The following CYBC1 variants were observed in gnomAD, a reference collection of about 807,000 sequenced individuals.
CYBC1 encodes cytochrome b-245 chaperone 1.
CYBC1 carries 22 observed loss-of-function variants against 21.7 expected under a neutral mutation model. That is an observed-to-expected ratio of 1.02 (90% CI 0.73 to 1.45). The LOEUF (loss-of-function observed/expected upper bound fraction) is 1.45, where lower values mean the gene tolerates loss of function less well. CYBC1 is among the 40% of genes most tolerant of loss of function. CYBC1 has a pLI of 0.00. For missense variants in CYBC1, 237 were observed against 242.1 expected (o/e 0.98, Z 0.14); for synonymous variants, 112 against 98.7 (o/e 1.13, Z -0.80).
At chr17:82,449,375 G>A (rs974017882) in intron 1 of CYBC1, 83 bp from the exon 2 acceptor site, 4 of 649,238 alleles carry the variant, frequency 6.2e-6, no homozygotes, top group Admixed American at 7.8e-5. Context: ...TGGAGGCCAA[G>A]AGCAGGTCCC....
rs746836449 is a variant in CYBC1 at position 82,446,715 on chromosome 17, C to G, written c.128-19G>C. ...AGGCTATCTGGAGATGGGCATAGGGCGCCAGCCTGTGAGCTCCAGGGACAT... is the reference window on the plus strand; with the variant it reads ...AGGCTATCTGGAGATGGGCATAGGGGGCCAGCCTGTGAGCTCCAGGGACAT... On this transcript the variant is annotated intron_variant, in intron 3 of 6. Transcript: ENST00000306645. The G allele has an allele frequency of 3.7e-6, 6 of 1,613,134 alleles. No homozygotes were observed. The African/African-American group carries it at 8.0e-5, about 22-fold the overall frequency.
At chr17:82,447,319 C>T (rs1262826095) in intron 3 of CYBC1, 8 of 523,780 alleles carry the variant, frequency 1.5e-5, no homozygotes, top group Non-Finnish European at 2.4e-5. Context: ...CGCCACTGCA[C>T]TCCAGCCTGG....
At chr17:82,444,623 C>T (rs776314726) in intron 5 of CYBC1, 32 bp from the exon 6 acceptor site, 1 of 1,568,846 alleles carries the variant, frequency 6.4e-7, no homozygotes, top group Non-Finnish European at 8.7e-7. Context: ...CCGAGCCATC[C>T]CCGCCCACAC....
intron 1 of CYBC1, 113 bp from the exon 2 acceptor site, chr17:82,449,405 C>T: frequency 2.0e-6 from 1 of 512,290 alleles, no homozygotes. Flanking sequence ...TCACCTGCAG[C>T]CCCAGACACC....
At chr17:82,449,874 G>T (rs2054495100) in intron 1 of CYBC1, 1 of 152,372 alleles carries the variant, frequency 6.6e-6, no homozygotes. Flanking sequence ...AGTTCCGCAC[G>T]GGCGCAGCAG....
chr17:82,448,896 A>T, intron 2 of CYBC1: 1 of 450,968 alleles, frequency 2.2e-6, no homozygotes, highest in Non-Finnish European at 3.9e-6. Context: ...CACGTGGTTC[A>T]AAACAAGTAC....
intron 3 of CYBC1, 33 bp from the exon 4 acceptor site, chr17:82,446,729 C>A: frequency 1.2e-6 from 2 of 1,610,286 alleles, no homozygotes; most frequent in Non-Finnish European, 1.7e-6. Context: ...AGCCTGTGAG[C>A]TCCAGGGACA....
Position 82,446,680 on chromosome 17 carries a change from C to T in CYBC1, c.144G>A (p.Lys48=), listed in dbSNP as rs1351124617. The T allele has an allele frequency of 6.2e-7, 1 of 1,614,082 alleles. No homozygotes were observed. Among genetic ancestry groups the T allele is most frequent in the African/African-American group, 1.3e-5 (1 of 75,084 alleles). ...AYYSGDSLGW[K]LFYVTGCLFV... is the part of the protein sequence containing the mutation. ...ACAGGCAGCCTGTGACGTAGAAGAG[C>T]TTCCAGCCCAGGCTATCTGGAGATG... Residue 48 remains lysine (K), a synonymous_variant, in exon 4 of 7, where the codon AAG becomes AAA. Transcript: ENST00000306645.
rs1328804185 is a variant in CYBC1, at chr17:82,448,892, G to A, written c.85+278C>T. 1.1e-5 allele frequency: 5 copies of A among 440,000 alleles called. No individual in the cohort carries two copies. The Admixed American group carries it at 1.8e-4, about 15-fold the overall frequency. 27.3% of individuals were successfully genotyped at this position (440,000 alleles called of 1,614,324 possible). ...GGAACCCACGATCACCCATCACGTGGTTCAAAACAAGTACAAAGGAAAATA... is the reference window on the plus strand; with the variant it reads ...GGAACCCACGATCACCCATCACGTGATTCAAAACAAGTACAAAGGAAAATA... On this transcript the variant is annotated intron_variant, in intron 2 of 6. Coordinates refer to ENST00000306645, the MANE Select transcript of CYBC1 (RefSeq NM_001033046.4).
rs775353079 is a variant in CYBC1 at position 82,444,107 on chromosome 17, G to A, written c.461C>T (p.Ala154Val). Residue 154 changes from alanine (A) to valine (V), a missense_variant, in exon 7 of 7, where the codon GCC becomes GTC. Physicochemically the swap from Ala to Val is moderately conservative, Grantham distance 64 (BLOSUM62 0). Transcript: ENST00000306645. ...MGHRSDVEAIAKLITSFLELH... is the reference protein window; with the variant it reads ...MGHRSDVEAIVKLITSFLELH... ...CTCCAGGAAGCTGGTGATGAGCTTG[G>A]CGATGGCTTCCACATCACTGGGCGA... 1 of 1,612,162 alleles carries A rather than the reference G, an allele frequency of 6.2e-7. No individual in the cohort carries two copies. The highest frequency in any genetic ancestry group is 1.1e-5 in the South Asian group (1 of 91,056).
intron 4 of CYBC1, 33 bp downstream of exon 4, chr17:82,446,590 C>G: frequency 6.2e-7 from 1 of 1,609,820 alleles, no homozygotes; most frequent in Middle Eastern, 1.7e-4. Flanking sequence ...CTGAACAGCC[C>G]TGGACTCTGT....
chr17:82,446,893 G>T, intron 3 of CYBC1, 197 bp from the exon 4 acceptor site: 1 of 598,114 alleles, frequency 1.7e-6, no homozygotes. Flanking sequence ...CTGACCCCCA[G>T]AGTCCACGTG....
At chr17:82,449,511 G>A (rs918365005) in intron 1 of CYBC1, 3 of 401,052 alleles carry the variant, frequency 7.5e-6, no homozygotes, top group Non-Finnish European at 1.3e-5. Context: ...TCCGTTCACA[G>A]CGACACCGAC....
chr17:82,444,586 C>T lies in CYBC1; in HGVS notation c.304G>A (p.Val102Ile), dbSNP rs770104845. 6.2e-7 allele frequency: 1 copy of T among 1,606,188 alleles called. No individual in the cohort carries two copies. The part of the protein sequence containing the change: ...LFRAGHDQVV[V>I]LLHDVRDVSV... ...ACATCACGGACATCATGGAGCAGGA[C>T]CACCACTGCGGGGAGACGGTCAGTG... The change falls in exon 6 of 7, where the codon GTC (valine) becomes ATC (isoleucine). Residue 102 changes from valine (V) to isoleucine (I), a missense_variant. Transcript: ENST00000306645.
rs2054053528 is a variant in CYBC1 at position 82,442,928 on chromosome 17, G to GC, written c.*1075dup. 4.0e-6 allele frequency: 1 copy of GC among 251,096 alleles called. No individual in the cohort carries two copies. The highest frequency in any genetic ancestry group is 7.7e-6 in the Non-Finnish European group (1 of 129,972). The allele number at this position is 251,096 out of a possible 1,614,324, so 15.6% of individuals were successfully genotyped here. A position where few individuals can be genotyped will look rare whatever the true frequency, so the allele number is the denominator to read the frequency against. ...CCTGGGTACACTCAGGAGACCAAGA[G>GC]CACTGGCGGGTCAGGATGGTTGGCG... On this transcript the variant is annotated 3_prime_UTR_variant, in exon 7 of 7. Coordinates refer to ENST00000306645, the MANE Select transcript of CYBC1 (RefSeq NM_001033046.4). This position sits in a 1 kb window ranked among gnomAD's most constrained non-coding sequence, Gnocchi z 6.8.
intron 1 of CYBC1, chr17:82,450,074 G>C (rs4789688): frequency 6.6e-6 from 1 of 152,116 alleles, no homozygotes; most frequent in Non-Finnish European, 1.5e-5. Flanking sequence ...TTGAGTCACG[G>C]AGTTCAAGAC....
At chr17:82,446,928 G>A (rs2054330782) in intron 3 of CYBC1, 2 of 582,832 alleles carry the variant, frequency 3.4e-6, no homozygotes, top group Non-Finnish European at 6.1e-6. Context: ...GGCGCACAGG[G>A]CCTCTGCCCG....
rs755219790 is a variant in CYBC1, at chr17:82,445,962, T to G, written c.202-2A>C. 1.1e-5 allele frequency: 18 copies of G among 1,612,810 alleles called. No homozygotes were observed. Among genetic ancestry groups the G allele is most frequent in the Non-Finnish European group, 1.4e-5 (17 of 1,179,366 alleles). The stretch of plus-strand genomic sequence containing the variant: ...TGTGCTCTTGTCGAAGATGGCTTCC[T>G]GGAAACCGACATGCACTGACCACCA... On this transcript the variant is annotated splice_acceptor_variant, in intron 4 of 6. Transcript: ENST00000306645. LOFTEE classifies it high-confidence loss of function.
At chr17:82,445,160 C>T (rs924376335) in intron 5 of CYBC1, 2 of 154,218 alleles carry the variant, frequency 1.3e-5, no homozygotes, top group Non-Finnish European at 2.9e-5. Context: ...GCACTAAACC[C>T]AAGACTGCCC....
Sources: allele counts gnomAD v4.1 joint callset, GRCh38; gene constraint gnomAD v4.1.1; non-coding constraint Gnocchi (gnomAD v3.1); transcripts MANE v1.5; gene names NCBI Gene and HGNC (gene_info 2026-07-23, HGNC 2026-07-21).